CAMK2B: variants seen among roughly 807,000 people sequenced by gnomAD.
CAMK2B encodes calcium/calmodulin-dependent protein kinase type II subunit beta.
In CAMK2B, 27 loss-of-function variants were observed where a neutral mutation model predicts 93.7. The observed-to-expected ratio is 0.29, with a 90% CI of 0.21 to 0.40. CAMK2B has a LOEUF of 0.40. CAMK2B is among the 10% of genes least tolerant of loss of function. The probability of loss-of-function intolerance (pLI) is 1.00; values close to 1 mark genes in which losing one functional copy is unlikely to be tolerated. For synonymous variants in CAMK2B, 374 were observed against 358.8 expected (o/e 1.04, Z -0.48); for missense variants, 568 against 895.8 (o/e 0.63, Z 4.67).
At position 44,317,032 on chromosome 7, in the gene CAMK2B, G is replaced by T. The variant is rs192990271; in HGVS notation, c.65+8325C>A. 7.9e-5 allele frequency among the ~76,000 whole-genome samples: 12 copies of T among 151,662 alleles called. No individual in the cohort carries two copies. The East Asian group carries it at 1.5e-3, about 20-fold the overall frequency. Reference sequence around the variant, plus strand: ...AATTTTTTTAGTATTTATGTTTATTGCCTGCCTCTATCCAGCAGTATATAA... The same window carrying T: ...AATTTTTTTAGTATTTATGTTTATTTCCTGCCTCTATCCAGCAGTATATAA... On this transcript the variant is annotated intron_variant, in intron 1 of 23. Transcript: ENST00000395749.
chr7:44,258,306 C>T lies in CAMK2B; in HGVS notation c.275+566G>A, dbSNP rs550784576. 4.6e-5 allele frequency among the ~76,000 whole-genome samples: 7 copies of T among 152,348 alleles called. No individual in the cohort carries two copies. The East Asian group carries it at 5.8e-4, about 13-fold the overall frequency. On this transcript the variant is annotated intron_variant, in intron 4 of 23. Transcript: ENST00000395749. ...TTGTGCCAGCGTACCCACATGCACA[C>T]ACCTCCACACGCTCACTCATACATT...
Position 44,220,309 on chromosome 7 carries a change from C to G in CAMK2B, c.1769-15G>C, listed in dbSNP as rs367641683. 2 of 1,600,954 alleles carry G rather than the reference C, an allele frequency of 1.2e-6. No individual in the cohort carries two copies. The highest frequency in any genetic ancestry group is 1.7e-6 in the Non-Finnish European group (2 of 1,170,096). On this transcript the variant is annotated splice_polypyrimidine_tract_variant and intron_variant, in intron 22 of 23. Transcript: ENST00000395749. ...CTTGGCCAGCACTGTGGACAGCAGG[C>G]GGGGCGGGGGTCTCGGGTTACCATG...
chr7:44,313,860 T>C (rs1450632666), intron 1 of CAMK2B, among the ~76,000 whole-genome samples: 5 of 151,242 alleles, frequency 3.3e-5, no homozygotes, highest in Non-Finnish European at 5.9e-5. Context: ...CCGGCACCAG[T>C]CAGATGCTCC....
intron 1 of CAMK2B, among the ~76,000 whole-genome samples, chr7:44,303,734 A>G (rs1302845689): frequency 4.6e-5 from 7 of 152,236 alleles, no homozygotes; most frequent in African/African-American, 1.7e-4. Context: ...TTCATGAAAG[A>G]AAAAATTGAT....
chr7:44,269,692 C>T (rs1024719967), intron 2 of CAMK2B, among the ~76,000 whole-genome samples: 7 of 152,006 alleles, frequency 4.6e-5, no homozygotes, highest in Non-Finnish European at 1.0e-4. Context: ...TGGGCGGGGG[C>T]GGCGGAGGGG....
chr7:44,293,314 A>G (rs1463206263), intron 1 of CAMK2B, among the ~76,000 whole-genome samples: 1 of 152,262 alleles, frequency 6.6e-6, no homozygotes, highest in Non-Finnish European at 1.5e-5. Context: ...AGCAGAGCAC[A>G]GGCCATTTCT....
At position 44,229,416 on chromosome 7, in the gene CAMK2B, C is replaced by T. The variant is rs575970166; in HGVS notation, c.1311G>A (p.Pro437=). The T allele has an allele frequency of 2.1e-4, 317 of 1,516,744 alleles. 4 individuals are homozygous for T. In the South Asian group the frequency reaches 3.0e-3, roughly 14 times the overall value. 94.0% of individuals were successfully genotyped at this position (1,516,744 alleles called of 1,614,324 possible). A position where few individuals can be genotyped will look rare whatever the true frequency, so the allele number is the denominator to read the frequency against. ...EAEGPLPCPS[P]APFSPLPAPS... Reference sequence around the variant, plus strand: ...GGGCTGGCAGGGGGCTAAAGGGAGCCGGAGATGGGCAGGGCAGGGGCCCCT... The same window carrying T: ...GGGCTGGCAGGGGGCTAAAGGGAGCTGGAGATGGGCAGGGCAGGGGCCCCT... Residue 437 remains proline, a synonymous_variant, in exon 18 of 24, where the codon CCG becomes CCA. Coordinates refer to ENST00000395749, the MANE Select transcript of CAMK2B (RefSeq NM_001220.5).
At chr7:44,246,442 G>T (rs542708695) in intron 6 of CAMK2B, among the ~76,000 whole-genome samples, 1 of 151,164 alleles carries the variant, frequency 6.6e-6, no homozygotes, top group Non-Finnish European at 1.5e-5. Context: ...TGCCCACACA[G>T]ACACACACAC....
chr7:44,319,210 T>C (rs2116502048), intron 1 of CAMK2B, among the ~76,000 whole-genome samples: 1 of 152,272 alleles, frequency 6.6e-6, no homozygotes, highest in Non-Finnish European at 1.5e-5. Context: ...TGAAAATATA[T>C]TTAAAATCTC....
intron 6 of CAMK2B, chr7:44,245,097 C>T (rs1584129068): frequency 2.5e-6 from 1 of 396,788 alleles, no homozygotes; most frequent in East Asian, 7.8e-5. Flanking sequence ...GCATGTCCCC[C>T]CTCCCCAGAG....
intron 13 of CAMK2B, 57 bp downstream of exon 13, chr7:44,239,532 C>A: frequency 6.9e-7 from 1 of 1,446,860 alleles, no homozygotes; most frequent in Non-Finnish European, 9.4e-7. Context: ...CAGGGGGCTG[C>A]ATGCTGGCAG....
At chr7:44,230,800 G>A (rs926613528) in intron 17 of CAMK2B, among the ~76,000 whole-genome samples, 23 of 152,110 alleles carry the variant, frequency 1.5e-4, no homozygotes, top group African/African-American at 5.1e-4. Flanking sequence ...CCCAGCTGTC[G>A]GTCATCTCTG....
At chr7:44,289,254 T>C (rs749614900) in intron 1 of CAMK2B, among the ~76,000 whole-genome samples, 3 of 152,188 alleles carry the variant, frequency 2.0e-5, no homozygotes, top group Non-Finnish European at 2.9e-5. Flanking sequence ...CACTAAGTCA[T>C]GCTGGTCGCA....
At chr7:44,227,618 A>G (rs943475942) in intron 19 of CAMK2B, among the ~76,000 whole-genome samples, 5 of 2,056 alleles carry the variant, frequency 2.4e-3, no homozygotes, top group Admixed American at 0.016. Context: ...GGACAGAGGG[A>G]GTGTGGGGGA....
At position 44,226,514 on chromosome 7, in the gene CAMK2B, AC is replaced by A; in HGVS notation, c.1597+1del. On this transcript the variant is annotated splice_donor_variant, in intron 20 of 23. Transcript: ENST00000395749. LOFTEE classifies it high-confidence loss of function. The stretch of plus-strand genomic sequence containing the variant: ...GCCACGGCCACTCAAGGTGCTACTT[AC>A]ATGGGGTGGGCAGGGGGCCAGGGAT... 1.4e-6 allele frequency: 2 copies of A among 1,432,534 alleles called. No homozygotes were observed. Among genetic ancestry groups the A allele is most frequent in the Non-Finnish European group, 1.8e-6 (2 of 1,093,440 alleles). The allele number at this position is 1,432,534 out of a possible 1,614,324, so 88.7% of individuals were successfully genotyped here.
intron 20 of CAMK2B, 121 bp downstream of exon 20, chr7:44,226,395 A>C (rs2096478815): frequency 1.3e-6 from 1 of 786,496 alleles, no homozygotes; most frequent in Admixed American, 3.9e-5. Context: ...GACCCAGCAG[A>C]GGGATCCTGT....
chr7:44,316,433 G>A (rs1457777499), intron 1 of CAMK2B, among the ~76,000 whole-genome samples: 3 of 152,124 alleles, frequency 2.0e-5, no homozygotes, highest in Non-Finnish European at 4.4e-5. Flanking sequence ...TTTTGCTAGT[G>A]TTTTGTTGAG....
chr7:44,280,492 G>A (rs965484973), intron 2 of CAMK2B, among the ~76,000 whole-genome samples: 3 of 152,224 alleles, frequency 2.0e-5, no homozygotes, highest in Non-Finnish European at 2.9e-5. Flanking sequence ...GTGGGTGGGG[G>A]TGGCTGCTGA....
At chr7:44,252,981 G>A (rs186853432) in intron 5 of CAMK2B, among the ~76,000 whole-genome samples, 1 of 152,274 alleles carries the variant, frequency 6.6e-6, no homozygotes, top group African/African-American at 2.4e-5. Context: ...CAGAAGTCTG[G>A]GGCCAAGAGA....
Sources: allele counts gnomAD v4.1 joint callset (sites outside exome capture counted in the v4.1 genomes callset), GRCh38; gene constraint gnomAD v4.1.1; transcripts MANE v1.5; gene names NCBI Gene and HGNC (gene_info 2026-07-23, HGNC 2026-07-21).